AKAP6: variants seen among roughly 807,000 people sequenced by gnomAD.
The protein encoded by AKAP6 is A-kinase anchor protein 6.
A neutral mutation model predicts 188.5 loss-of-function variants in AKAP6; 58 were observed. That is an observed-to-expected ratio of 0.31 (90% CI 0.25 to 0.38). AKAP6 has a LOEUF of 0.38. AKAP6 is among the 10% of genes least tolerant of loss of function. The pLI, the probability that AKAP6 is intolerant of heterozygous loss-of-function variation, is 1.00. For synonymous variants in AKAP6, 989 were observed against 998.6 expected (o/e 0.99, Z 0.18); for missense variants, 2,710 against 2,740.0 (o/e 0.99, Z 0.24).
rs996171298 is a variant in AKAP6, at chr14:32,347,372, T to C, written c.-35+17964T>C. Among the ~76,000 whole-genome samples, 4 of 152,238 alleles carry C rather than the reference T, an allele frequency of 2.6e-5. No individual in the cohort carries two copies. In the South Asian group the frequency reaches 8.3e-4, roughly 31 times the overall value. ...AAACTTTCAGCTTGCTAAATGGTAA[T>C]GGTTATTGACTGAAGTAGGAGTGAG... On this transcript the variant is annotated intron_variant, in intron 1 of 13. Transcript: ENST00000280979.
At chr14:32,622,469 A>G (rs924451277) in intron 7 of AKAP6, among the ~76,000 whole-genome samples, 1 of 152,174 alleles carries the variant, frequency 6.6e-6, no homozygotes, top group African/African-American at 2.4e-5. Flanking sequence ...AAGCCCATAT[A>G]ACCATAAGCC....
chr14:32,778,536 T>G (rs1002588625), intron 12 of AKAP6, among the ~76,000 whole-genome samples: 2 of 152,124 alleles, frequency 1.3e-5, no homozygotes, highest in African/African-American at 2.4e-5. Context: ...TATATGGTTT[T>G]GGGTTTTTTT....
intron 7 of AKAP6, among the ~76,000 whole-genome samples, chr14:32,672,906 G>A (rs1036961950): frequency 2.0e-5 from 3 of 152,184 alleles, no homozygotes; most frequent in African/African-American, 7.2e-5. Flanking sequence ...GACAGAAAAA[G>A]AGAGATAGAG....
Position 32,599,518 on chromosome 14 carries a change from T to C in AKAP6, c.2566+12T>C. Reference sequence around the variant, plus strand: ...ATCTCACAAAGCAGGTAAATCCTCCTGAAATATTGCAAGTCTTTACGTCTC... The same window carrying C: ...ATCTCACAAAGCAGGTAAATCCTCCCGAAATATTGCAAGTCTTTACGTCTC... On this transcript the variant is annotated intron_variant, in intron 6 of 13. Transcript: ENST00000280979. 6.2e-7 allele frequency: 1 copy of C among 1,608,188 alleles called. No homozygotes were observed. Among genetic ancestry groups the C allele is most frequent in the Non-Finnish European group, 8.5e-7 (1 of 1,175,430 alleles).
At chr14:32,606,154 A>G (rs12432874) in intron 7 of AKAP6, among the ~76,000 whole-genome samples, 1,535 of 152,338 alleles carry the variant, frequency 0.01, 70 homozygotes, top group Admixed American at 0.075. Flanking sequence ...ATAGAGCTTC[A>G]GCACTCACAT....
intron 1 of AKAP6, among the ~76,000 whole-genome samples, chr14:32,352,093 GTGTGTGTGTT>G (rs1419889298): frequency 5.2e-5 from 6 of 114,768 alleles, no homozygotes; most frequent in Admixed American, 8.5e-5. Flanking sequence ...GTGTGTGTGT[GTGTGTGTGTT>G]TGTGTGTGTG....
Position 32,821,488 on chromosome 14 carries a change from T to G in AKAP6, c.3675T>G (p.Ser1225Arg). ...TGGAATGGGATGAAATGGACATAAGTAACAAGTTAATTAGTTTGAATGAGG... is the reference window on the plus strand; with the variant it reads ...TGGAATGGGATGAAATGGACATAAGGAACAAGTTAATTAGTTTGAATGAGG... ...DALEWDEMDI[S>R]NKLISLNEES... The change falls in exon 13 of 14, where the codon AGT (serine) becomes AGG (arginine). Residue 1225 changes from serine to arginine, a missense_variant. By Grantham distance (110) the Ser-to-Arg change is moderately radical (BLOSUM62 -1). This residue lies in a region of AKAP6 where 2,473 missense variants were observed against 2,426.1 expected (regional missense o/e 1.02). Transcript: ENST00000280979. 1 of 1,613,760 alleles carries G rather than the reference T, an allele frequency of 6.2e-7. No individual in the cohort carries two copies. The highest frequency in any genetic ancestry group is 8.5e-7 in the Non-Finnish European group (1 of 1,179,786).
chr14:32,525,188 CT>C (rs1193013178), intron 2 of AKAP6, among the ~76,000 whole-genome samples: 1 of 152,162 alleles, frequency 6.6e-6, no homozygotes, highest in Non-Finnish European at 1.5e-5. Context: ...TAAGCAGTAG[CT>C]TGCTTAGAAA....
chr14:32,798,200 T>C (rs545669969), intron 12 of AKAP6, among the ~76,000 whole-genome samples: 16 of 152,312 alleles, frequency 1.1e-4, no homozygotes, highest in African/African-American at 3.8e-4. Context: ...TGAGATGCCA[T>C]CTTACACCAG....
rs957018470 is a variant in AKAP6 at position 32,546,818 on chromosome 14, C to T, written c.2165C>T (p.Ser722Phe). The change falls in exon 4 of 14, where the codon TCT becomes TTT. Residue 722 changes from serine (S) to phenylalanine (F), a missense_variant. By Grantham distance (155) the Ser-to-Phe change is radical (BLOSUM62 -2). This residue lies in a region of AKAP6 where 2,473 missense variants were observed against 2,426.1 expected (regional missense o/e 1.02). Coordinates refer to ENST00000280979, the MANE Select transcript of AKAP6 (RefSeq NM_004274.5). The stretch of plus-strand genomic sequence containing the variant: ...TCTGGGCCCCTGAGTGACATTCTTT[C>T]TGATGAGGAGTCCAGTATGCCTCTC... ...IESGPLSDIL[S>F]DEESSMPLAG... 3.1e-6 allele frequency: 5 copies of T among 1,613,960 alleles called. No homozygotes were observed. The African/African-American group carries it at 6.7e-5, about 22-fold the overall frequency.
intron 13 of AKAP6, among the ~76,000 whole-genome samples, chr14:32,826,930 C>T (rs2034688795): frequency 6.6e-6 from 1 of 152,052 alleles, no homozygotes; most frequent in Non-Finnish European, 1.5e-5. Flanking sequence ...TCACATCGCC[C>T]CCAAGTGACT....
Position 32,823,244 on chromosome 14 carries a change from T to C in AKAP6, c.5431T>C (p.Ser1811Pro), listed in dbSNP as rs1161211271. 1.2e-6 allele frequency: 2 copies of C among 1,613,716 alleles called. No homozygotes were observed. The highest frequency in any genetic ancestry group is 1.7e-6 in the Non-Finnish European group (2 of 1,179,908). The change falls in exon 13 of 14, where the codon TCT (serine) becomes CCT (proline). Residue 1811 changes from serine (S) to proline (P), a missense_variant. This residue lies in a region of AKAP6 where 2,473 missense variants were observed against 2,426.1 expected (regional missense o/e 1.02). Coordinates refer to ENST00000280979, the MANE Select transcript of AKAP6 (RefSeq NM_004274.5). ...ACAGACCTGGATTAGGCCAAAATTG[T>C]CTTTGACAAGAGATAAGAAAAGGTG... Reference protein sequence around the residue: ...ELQTWIRPKLSLTRDKKRCNV... With the variant: ...ELQTWIRPKLPLTRDKKRCNV...
At chr14:32,353,329 G>A (rs1256369511) in intron 1 of AKAP6, among the ~76,000 whole-genome samples, 8 of 152,294 alleles carry the variant, frequency 5.3e-5, no homozygotes, top group Non-Finnish European at 7.3e-5. Flanking sequence ...TTGGGAAGCC[G>A]AGGTGGGCAG....
At chr14:32,768,419 AG>A (rs956855433) in intron 11 of AKAP6, among the ~76,000 whole-genome samples, 3 of 152,292 alleles carry the variant, frequency 2.0e-5, no homozygotes, top group African/African-American at 7.2e-5. Context: ...ATGACAAAAA[AG>A]AGTAAAATCA....
At chr14:32,344,899 G>A (rs7148808) in intron 1 of AKAP6, among the ~76,000 whole-genome samples, 21,478 of 137,260 alleles carry the variant, frequency 0.16, 1,865 homozygotes, top group East Asian at 0.38. Context: ...CTGGGCAACA[G>A]AGTGAGACTC....
At chr14:32,540,156 C>CTA (rs1484485578) in intron 3 of AKAP6, among the ~76,000 whole-genome samples, 2 of 116,882 alleles carry the variant, frequency 1.7e-5, no homozygotes, top group African/African-American at 3.9e-5. Context: ...CTCTCTCTCT[C>CTA]TCTCTCTCTC....
intron 12 of AKAP6, among the ~76,000 whole-genome samples, chr14:32,786,332 G>T (rs1345870920): frequency 2.5e-4 from 7 of 28,334 alleles, no homozygotes; most frequent in African/African-American, 7.4e-4. Context: ...TTTTGAGACG[G>T]AATCTTGCTC....
chr14:32,683,524 C>T (rs1377607369), intron 8 of AKAP6, among the ~76,000 whole-genome samples: 2 of 152,194 alleles, frequency 1.3e-5, no homozygotes, highest in Non-Finnish European at 2.9e-5. Context: ...ATTCAAATGA[C>T]TTTGGTGTCA....
chr14:32,540,926 C>T (rs117498636), intron 3 of AKAP6, among the ~76,000 whole-genome samples: 1,693 of 151,358 alleles, frequency 0.011, 12 homozygotes, highest in African/African-American at 0.023. Flanking sequence ...AAATAGTTAC[C>T]CCGTGAGGGA....
Sources: gnomAD v4.1 joint callset for allele counts (sites outside exome capture counted in the v4.1 genomes callset) on GRCh38, gnomAD v4.1.1 for gene constraint, gnomAD v4.1.1 regional missense constraint, MANE v1.5 for transcripts, NCBI Gene and HGNC (gene_info 2026-07-23, HGNC 2026-07-21) for gene names.